EVC2: variants seen among roughly 807,000 people sequenced by gnomAD.
EVC2 encodes the protein limbin.
A neutral mutation model predicts 149.3 loss-of-function variants in EVC2; 148 were observed. That is an observed-to-expected ratio of 0.99 (90% CI 0.87 to 1.14). EVC2 has a LOEUF of 1.14. Among genes scored for constraint, EVC2 ranks in the 50% most tolerant of loss-of-function variants. The probability of loss-of-function intolerance (pLI) is 0.00; values close to 1 mark genes in which losing one functional copy is unlikely to be tolerated. For missense variants in EVC2, 1,854 were observed against 1,627.3 expected, an observed-to-expected ratio of 1.14 and a Z score of -2.40; for synonymous variants, 776 against 649.9, an observed-to-expected ratio of 1.19 and a Z score of -2.95.
chr4:5,553,391 T>G lies in EVC2; in HGVS notation c.3420-10179A>C, dbSNP rs562967662. Among the ~76,000 whole-genome samples the G allele has an allele frequency of 1.4e-4, 21 of 152,256 alleles. 1 individual carries two copies. The highest frequency in any genetic ancestry group is 5.9e-4 in the Admixed American group (9 of 15,288). On this transcript the variant is annotated intron_variant and NMD_transcript_variant, in intron 21 of 22. Coordinates refer to the EVC2 transcript ENST00000475313. ...TTCCCACCAGGCCCCACCTCCAACA[T>G]TGAGGATGACAATTCAACATGAGAT...
chr4:5,665,204 G>A (rs1577226101), intron 8 of EVC2, among the ~76,000 whole-genome samples: 1 of 152,108 alleles, frequency 6.6e-6, no homozygotes, highest in South Asian at 2.1e-4. Context: ...CAGCTACCTG[G>A]AAGGCTGAAG....
At chr4:5,615,186 G>A (rs1327293631) in intron 16 of EVC2, among the ~76,000 whole-genome samples, 3 of 152,152 alleles carry the variant, frequency 2.0e-5, no homozygotes, top group African/African-American at 4.8e-5. Flanking sequence ...TGAAGGATCC[G>A]GTGAGATCCC....
At chr4:5,556,222 A>G (rs989651141) in intron 21 of EVC2, among the ~76,000 whole-genome samples, 1 of 151,462 alleles carries the variant, frequency 6.6e-6, no homozygotes, top group African/African-American at 2.4e-5. Context: ...AACTTAAAAT[A>G]ATAGCAATTA....
chr4:5,645,182 G>A (rs574253676), intron 9 of EVC2, among the ~76,000 whole-genome samples: 7 of 151,896 alleles, frequency 4.6e-5, no homozygotes, highest in Admixed American at 2.6e-4. Context: ...AGGTTCAAGT[G>A]GTGCCAACAT....
At chr4:5,615,920 A>G (rs955565912) in intron 15 of EVC2, among the ~76,000 whole-genome samples, 2 of 152,154 alleles carry the variant, frequency 1.3e-5, no homozygotes, top group African/African-American at 4.8e-5. Context: ...TGTTCTTGCA[A>G]TGCTTCCATG....
intron 9 of EVC2, among the ~76,000 whole-genome samples, chr4:5,645,729 G>A (rs1450875465): frequency 6.6e-6 from 1 of 152,156 alleles, no homozygotes; most frequent in Non-Finnish European, 1.5e-5. Flanking sequence ...ATATACATGT[G>A]TATGTGTCTT....
chr4:5,655,103 G>A (rs1429251291), intron 9 of EVC2, among the ~76,000 whole-genome samples: 2 of 152,180 alleles, frequency 1.3e-5, no homozygotes, highest in Admixed American at 1.3e-4. Flanking sequence ...GCTGGAAGAC[G>A]ACAGCGAGAG....
chr4:5,643,075 A>T (rs1048423185), intron 9 of EVC2, among the ~76,000 whole-genome samples: 2 of 152,330 alleles, frequency 1.3e-5, no homozygotes, highest in Admixed American at 6.5e-5. Context: ...ATGTACATGC[A>T]TATCTACTTT....
chr4:5,608,314 T>A (rs1156602258), intron 16 of EVC2, among the ~76,000 whole-genome samples: 7 of 152,196 alleles, frequency 4.6e-5, no homozygotes. Context: ...CCTGCCAGAC[T>A]TGGGCTCCAC....
At chr4:5,530,564 C>A in the EVC2 span, among the ~76,000 whole-genome samples, 1 of 152,108 alleles carries the variant, frequency 6.6e-6, no homozygotes, top group Non-Finnish European at 1.5e-5. Context: ...AAAATCCAGT[C>A]TCTTACCAAA....
chr4:5,591,059 G>C (rs1712751130), intron 16 of EVC2, among the ~76,000 whole-genome samples: 1 of 152,122 alleles, frequency 6.6e-6, no homozygotes, highest in African/African-American at 2.4e-5. Flanking sequence ...GACACACATG[G>C]GGATTATGTA....
chr4:5,543,045 C>T (rs1330384122), intron 22 of EVC2: 7 of 905,480 alleles, frequency 7.7e-6, no homozygotes, highest in African/African-American at 1.7e-5. Context: ...TTCTGACTTA[C>T]TATTACGCAA....
At chr4:5,691,871 T>C (rs1182640391) in intron 3 of EVC2, among the ~76,000 whole-genome samples, 1 of 152,242 alleles carries the variant, frequency 6.6e-6, no homozygotes, top group Non-Finnish European at 1.5e-5. Context: ...CCAGGGCTCA[T>C]CCATCAAACA....
At chr4:5,603,431 C>G (rs150633942) in intron 16 of EVC2, among the ~76,000 whole-genome samples, 1 of 152,286 alleles carries the variant, frequency 6.6e-6, no homozygotes, top group East Asian at 1.9e-4. Flanking sequence ...TTTCAACATG[C>G]CTTCTTTTCT....
intron 7 of EVC2, among the ~76,000 whole-genome samples, 180 bp from the exon 8 acceptor site, chr4:5,665,829 C>A (rs1318697713): frequency 1.3e-5 from 2 of 152,196 alleles, no homozygotes; most frequent in Non-Finnish European, 2.9e-5. Context: ...CTCTCTGAGC[C>A]TGAACTTCCT....
intron 9 of EVC2, among the ~76,000 whole-genome samples, chr4:5,655,474 G>GTGC (rs1337289649): frequency 6.6e-6 from 1 of 152,130 alleles, no homozygotes; most frequent in East Asian, 1.9e-4. Flanking sequence ...CCAGCCTCCT[G>GTGC]CAGTCTCTCC....
chr4:5,691,670 G>A (rs747409566), intron 3 of EVC2, among the ~76,000 whole-genome samples: 3 of 152,118 alleles, frequency 2.0e-5, no homozygotes, highest in African/African-American at 7.2e-5. Context: ...AACATGTACC[G>A]TGTGCTTACC....
chr4:5,542,898 G>A, exon 23 of EVC2: 1 of 324,822 alleles, frequency 3.1e-6, no homozygotes, highest in Non-Finnish European at 6.0e-6. Flanking sequence ...CTTCCTTGGT[G>A]TTCCAGGGCC....
At chr4:5,616,094 A>T (rs937695611) in intron 15 of EVC2, among the ~76,000 whole-genome samples, 1 of 152,240 alleles carries the variant, frequency 6.6e-6, no homozygotes, top group East Asian at 1.9e-4. Flanking sequence ...TCTCTGCCCA[A>T]CTCCCAGGCA....
Sources: allele counts gnomAD v4.1 joint callset (sites outside exome capture counted in the v4.1 genomes callset), GRCh38; gene constraint gnomAD v4.1.1; transcripts MANE v1.5; gene names NCBI Gene and HGNC (gene_info 2026-07-23, HGNC 2026-07-21).